The following LDAH variants were observed in gnomAD, a reference collection of about 807,000 sequenced individuals.
LDAH encodes the protein lipid droplet-associated hydrolase.
Under a neutral mutation model 29.6 loss-of-function variants are expected in LDAH, and 26 were observed. That is an observed-to-expected ratio of 0.88 (90% confidence interval 0.64 to 1.22). LDAH has a LOEUF of 1.22. Ranked by LOEUF, LDAH falls within the 50% of genes most tolerant of loss-of-function variation. The pLI is 0.00. For synonymous variants in LDAH, 117 were observed against 133.0 expected (o/e 0.88, Z 0.83); for missense variants, 344 against 387.3 (o/e 0.89, Z 0.94).
intron 5 of LDAH, among the ~76,000 whole-genome samples, chr2:20,738,953 T>C (rs1666993283): frequency 6.6e-6 from 1 of 152,226 alleles, no homozygotes; most frequent in Non-Finnish European, 1.5e-5. Flanking sequence ...GAAAACTTTA[T>C]TCAGGAGTCC....
intron 6 of LDAH, among the ~76,000 whole-genome samples, chr2:20,690,700 G>A (rs1572400308): frequency 6.6e-6 from 1 of 152,144 alleles, no homozygotes; most frequent in Non-Finnish European, 1.5e-5. Flanking sequence ...GGCGGGGGAT[G>A]GGGGAGGAGG....
intron 4 of LDAH, among the ~76,000 whole-genome samples, chr2:20,773,079 T>C (rs895031358): frequency 1.3e-5 from 2 of 152,188 alleles, no homozygotes; most frequent in Admixed American, 6.5e-5. Context: ...AGATACCTAA[T>C]ACAATAGTTA....
chr2:20,773,458 G>C (rs1669569955), intron 4 of LDAH, among the ~76,000 whole-genome samples: 2 of 152,072 alleles, frequency 1.3e-5, no homozygotes, highest in African/African-American at 4.8e-5. Flanking sequence ...TACTAGAGGA[G>C]ACTTCGAAGG....
chr2:20,694,383 T>C lies in LDAH; in HGVS notation c.786+7187A>G, dbSNP rs548074341. On this transcript the variant is annotated intron_variant, in intron 6 of 6. Transcript: ENST00000237822. ...CCGATTCTGTGATATAAGCATCTCC[T>C]TTCAGTTACTTAAAAAATCTTATCC... is the stretch of plus-strand genomic sequence containing the variant. Among the ~76,000 whole-genome samples, 4 of 152,330 alleles carry C rather than the reference T, an allele frequency of 2.6e-5. No homozygotes were observed. The South Asian group carries it at 8.3e-4, about 32-fold the overall frequency.
intron 1 of LDAH, among the ~76,000 whole-genome samples, chr2:20,818,372 A>G (rs554440005): frequency 1.3e-5 from 2 of 152,308 alleles, no homozygotes; most frequent in South Asian, 4.1e-4. Flanking sequence ...ATCTTAGCAC[A>G]TAGCCCTATA....
chr2:20,711,049 T>C (rs370561495), intron 5 of LDAH, among the ~76,000 whole-genome samples: 1 of 152,080 alleles, frequency 6.6e-6, no homozygotes. Context: ...AAGGATTAAA[T>C]GCACCATAGT....
intron 1 of LDAH, among the ~76,000 whole-genome samples, chr2:20,809,446 A>T (rs1672321615): frequency 6.6e-6 from 1 of 152,144 alleles, no homozygotes; most frequent in African/African-American, 2.4e-5. Context: ...TAGAATTAAG[A>T]ACTTGGATTT....
downstream of LDAH, among the ~76,000 whole-genome samples, chr2:20,682,937 A>G (rs1295591640): frequency 6.6e-6 from 1 of 152,226 alleles, no homozygotes; most frequent in African/African-American, 2.4e-5. Flanking sequence ...TGGGGTGAGC[A>G]GCATACTCCT....
intron 6 of LDAH, among the ~76,000 whole-genome samples, chr2:20,693,330 G>A (rs73239144): frequency 0.016 from 2,413 of 152,298 alleles, 64 homozygotes; most frequent in African/African-American, 0.055. Flanking sequence ...CCTTACATTA[G>A]CCTTTGAGAA....
chr2:20,721,422 C>A (rs1263607116), intron 5 of LDAH, among the ~76,000 whole-genome samples: 2 of 152,044 alleles, frequency 1.3e-5, no homozygotes. Flanking sequence ...ACCAAGACTA[C>A]AAATTAAGTT....
intron 3 of LDAH, among the ~76,000 whole-genome samples, chr2:20,788,003 T>G (rs776084334): frequency 1.3e-5 from 2 of 152,238 alleles, no homozygotes; most frequent in Admixed American, 6.5e-5. Flanking sequence ...AGGCTGAAAA[T>G]GTTTAAGCAT....
At chr2:20,691,718 T>G (rs925292430) in intron 6 of LDAH, among the ~76,000 whole-genome samples, 1 of 152,252 alleles carries the variant, frequency 6.6e-6, no homozygotes, top group Non-Finnish European at 1.5e-5. Flanking sequence ...ATTATTGAGA[T>G]AGAAATTTTT....
rs191995251 is a variant in LDAH, at chr2:20,770,283, A to C, written c.468+4527T>G. 2.0e-5 allele frequency among the ~76,000 whole-genome samples: 3 copies of C among 152,332 alleles called. No homozygotes were observed. The East Asian group carries it at 5.8e-4, about 29-fold the overall frequency. ...GACATTTTTGCTAACCAGAAGACAA[A>C]GGAAACTCTGTGTTATTATGCACAG... On this transcript the variant is annotated intron_variant, in intron 4 of 6. Coordinates refer to ENST00000237822, the MANE Select transcript of LDAH (RefSeq NM_021925.4).
intron 1 of LDAH, among the ~76,000 whole-genome samples, chr2:20,818,027 C>T (rs1672974553): frequency 2.6e-5 from 4 of 152,134 alleles, no homozygotes; most frequent in Admixed American, 2.6e-4. Flanking sequence ...TGGAATAATT[C>T]TTTATCTTGA....
chr2:20,685,619 A>G lies in LDAH; in HGVS notation c.*1284T>C, dbSNP rs1662504735. ...TAGGATTTGAGCGGAGGGACATCTC[A>G]TTGTCCTTAGGGAATGATAATGCCA... is the stretch of plus-strand genomic sequence containing the variant. On this transcript the variant is annotated 3_prime_UTR_variant, in exon 7 of 7. Coordinates refer to ENST00000237822, the MANE Select transcript of LDAH (RefSeq NM_021925.4). The G allele has an allele frequency of 6.5e-7, 1 of 1,548,642 alleles. No individual in the cohort carries two copies. The highest frequency in any genetic ancestry group is 8.7e-7 in the Non-Finnish European group (1 of 1,145,404).
At position 20,728,665 on chromosome 2, in the gene LDAH, G is replaced by A. The variant is rs996277310; in HGVS notation, c.703+11306C>T. ...GCAAGAGGAGGCAGGGGTGGCACTGGGGATCTAGAGGGAAGAGGCTGGCTA... is the reference window on the plus strand; with the variant it reads ...GCAAGAGGAGGCAGGGGTGGCACTGAGGATCTAGAGGGAAGAGGCTGGCTA... On this transcript the variant is annotated intron_variant, in intron 5 of 6. Coordinates refer to ENST00000237822, the MANE Select transcript of LDAH (RefSeq NM_021925.4). Among the ~76,000 whole-genome samples, 6 of 152,204 alleles carry A rather than the reference G, an allele frequency of 3.9e-5. No individual in the cohort carries two copies. The East Asian group carries it at 9.7e-4, about 25-fold the overall frequency.
chr2:20,693,721 G>A (rs1270385092), intron 6 of LDAH, among the ~76,000 whole-genome samples: 2 of 152,230 alleles, frequency 1.3e-5, no homozygotes, highest in African/African-American at 4.8e-5. Context: ...CGACATTCTG[G>A]GAGTTACTTT....
chr2:20,684,987 AACTCAGGAGAACTGCTC>A lies in LDAH; in HGVS notation c.*1899_*1915del. On this transcript the variant is annotated 3_prime_UTR_variant, in exon 7 of 7. Coordinates refer to ENST00000237822, the MANE Select transcript of LDAH (RefSeq NM_021925.4). ...AAAAGAGAGACTTTGAGCCGAGTCT[AACTCAGGAGAACTGCTC>A]AAATTGTACCCTCTCTTGCCCAACA... 1 of 1,541,406 alleles carries A rather than the reference AACTCAGGAGAACTGCTC, an allele frequency of 6.5e-7. No homozygotes were observed. The highest frequency in any genetic ancestry group is 8.8e-7 in the Non-Finnish European group (1 of 1,142,232).
intron 4 of LDAH, among the ~76,000 whole-genome samples, chr2:20,748,905 C>A (rs1379033631): frequency 2.6e-5 from 4 of 152,174 alleles, no homozygotes. Flanking sequence ...AGGAAGCACA[C>A]ACACACCCCA....
Sources: gnomAD v4.1 joint callset for allele counts (sites outside exome capture counted in the v4.1 genomes callset) on GRCh38, gnomAD v4.1.1 for gene constraint, MANE v1.5 for transcripts, NCBI Gene and HGNC (gene_info 2026-07-23, HGNC 2026-07-21) for gene names.